The following XPNPEP3 variants were observed in gnomAD, a reference collection of about 807,000 sequenced individuals.
The protein encoded by XPNPEP3 is xaa-Pro aminopeptidase 3.
XPNPEP3 carries 41 observed loss-of-function variants against 60.0 expected under a neutral mutation model. The observed-to-expected ratio is 0.68, with a 90% CI of 0.53 to 0.89. The LOEUF (loss-of-function observed/expected upper bound fraction) is 0.89, where lower values mean the gene tolerates loss of function less well. Among genes scored for constraint, XPNPEP3 ranks in the 40% least tolerant of loss-of-function variants. The probability of loss-of-function intolerance (pLI) is 0.00; values close to 1 mark genes in which losing one functional copy is unlikely to be tolerated. For missense variants in XPNPEP3, 598 were observed against 638.9 expected (o/e 0.94, Z 0.69); for synonymous variants, 212 against 223.2 (o/e 0.95, Z 0.45).
intron 1 of XPNPEP3, chr22:40,861,949 G>A: frequency 6.2e-7 from 1 of 1,611,032 alleles, no homozygotes; most frequent in South Asian, 1.1e-5. Flanking sequence ...ATGTCCTCAG[G>A]TGAAGCATAT....
chr22:40,874,071 AT>A (rs954551627), intron 2 of XPNPEP3, among the ~76,000 whole-genome samples: 5 of 152,132 alleles, frequency 3.3e-5, no homozygotes, highest in African/African-American at 1.2e-4. Flanking sequence ...GACAAAGCTT[AT>A]TTTGGTGGTG....
intron 4 of XPNPEP3, among the ~76,000 whole-genome samples, chr22:40,900,349 A>G (rs2058127014): frequency 6.6e-6 from 1 of 151,752 alleles, no homozygotes; most frequent in Non-Finnish European, 1.5e-5. Context: ...CCACGCCTAT[A>G]ATCCCAGTAC....
At chr22:40,889,541 A>T (rs531876386) in intron 4 of XPNPEP3, among the ~76,000 whole-genome samples, 23 of 152,242 alleles carry the variant, frequency 1.5e-4, no homozygotes, top group South Asian at 6.2e-4. Context: ...CAAAATACAT[A>T]GACAAGCAGG....
At chr22:40,869,650 T>G (rs1325102613) in intron 2 of XPNPEP3, among the ~76,000 whole-genome samples, 3 of 152,194 alleles carry the variant, frequency 2.0e-5, no homozygotes, top group Non-Finnish European at 4.4e-5. Context: ...ATAAAGGTGA[T>G]GCAAAAAAAT....
intron 2 of XPNPEP3, 117 bp downstream of exon 2, chr22:40,869,232 C>G: frequency 1.2e-6 from 1 of 826,230 alleles, no homozygotes; most frequent in Non-Finnish European, 2.1e-6. Context: ...TAGCCACTAA[C>G]CTCACATGGC....
At chr22:40,881,116 G>C (rs2058046265) in intron 2 of XPNPEP3, among the ~76,000 whole-genome samples, 1 of 151,980 alleles carries the variant, frequency 6.6e-6, no homozygotes, top group Admixed American at 6.6e-5. Context: ...CGGGATCTTG[G>C]CTCACTGCAA....
intron 1 of XPNPEP3, among the ~76,000 whole-genome samples, chr22:40,864,236 G>T (rs1053238860): frequency 6.6e-6 from 1 of 152,126 alleles, no homozygotes; most frequent in Non-Finnish European, 1.5e-5. Flanking sequence ...CGTTGCCATG[G>T]CATCTGTAAA....
chr22:40,862,258 G>T (rs1014684047), intron 1 of XPNPEP3: 3 of 1,178,262 alleles, frequency 2.5e-6, no homozygotes, highest in African/African-American at 1.6e-5. Flanking sequence ...AGCTAGTCCA[G>T]AGTCGTACCA....
At position 40,927,896 on chromosome 22, in the gene XPNPEP3, A is replaced by G. The variant is rs1232395924; in HGVS notation, c.*1461A>G. 6.6e-6 allele frequency: 1 copy of G among 152,428 alleles called. No individual in the cohort carries two copies. The highest frequency in any genetic ancestry group is 1.5e-5 in the Non-Finnish European group (1 of 68,404). 9.4% of individuals were successfully genotyped at this position (152,428 alleles called of 1,614,324 possible). A position where few individuals can be genotyped will look rare whatever the true frequency, so the allele number is the denominator to read the frequency against. ...TCTCAAAAAAAAAAAAAAAAAAGAA[A>G]AAAAAAAGAAAGATTTCTTTCGCAG... On this transcript the variant is annotated 3_prime_UTR_variant, in exon 10 of 10. Coordinates refer to ENST00000357137, the MANE Select transcript of XPNPEP3 (RefSeq NM_022098.4).
chr22:40,883,003 G>A (rs749854499), intron 3 of XPNPEP3, among the ~76,000 whole-genome samples: 2 of 151,976 alleles, frequency 1.3e-5, no homozygotes, highest in Non-Finnish European at 2.9e-5. Flanking sequence ...TAGAAGGATC[G>A]CTTGAGGCCA....
intron 9 of XPNPEP3, among the ~76,000 whole-genome samples, chr22:40,925,762 A>T (rs1477786799): frequency 2.0e-5 from 3 of 152,222 alleles, no homozygotes; most frequent in African/African-American, 7.2e-5. Context: ...TAAATCTTAT[A>T]ATGACTGTCT....
chr22:40,890,040 A>G (rs2058083044), intron 4 of XPNPEP3, among the ~76,000 whole-genome samples: 1 of 152,170 alleles, frequency 6.6e-6, no homozygotes, highest in African/African-American at 2.4e-5. Context: ...AATCAAGTCT[A>G]AATATTCATC....
intron 1 of XPNPEP3, among the ~76,000 whole-genome samples, chr22:40,863,385 A>AT (rs1419762637): frequency 2.6e-5 from 4 of 152,072 alleles, no homozygotes; most frequent in African/African-American, 9.7e-5. Flanking sequence ...ATTCCCTGTA[A>AT]TCTTTGTTTT....
At chr22:40,891,310 C>T (rs1251325130) in intron 4 of XPNPEP3, among the ~76,000 whole-genome samples, 1 of 148,070 alleles carries the variant, frequency 6.8e-6, no homozygotes, top group African/African-American at 2.5e-5. Flanking sequence ...CAGTAAGCCA[C>T]GATCATGCCA....
chr22:40,879,105 G>A (rs1245710454), intron 2 of XPNPEP3, among the ~76,000 whole-genome samples: 2 of 152,080 alleles, frequency 1.3e-5, no homozygotes, highest in Admixed American at 6.5e-5. Context: ...AATTATCAAG[G>A]AAATAAATAG....
rs1450073903 is a variant in XPNPEP3 at position 40,907,593 on chromosome 22, A to G, written c.799A>G (p.Ile267Val). ...TCCTCCTTTCTCTTTGCAGGCTTTC[A>G]TAGAAACCATGTTCACCAGTAAAGC... Reference protein sequence around the residue: ...IAGKLTSQAFIETMFTSKAPV... With the variant: ...IAGKLTSQAFVETMFTSKAPV... Residue 267 changes from isoleucine to valine, a missense_variant, in exon 5 of 10, where the codon ATA becomes GTA. By Grantham distance (29) the Ile-to-Val change is conservative. Coordinates refer to ENST00000357137, the MANE Select transcript of XPNPEP3 (RefSeq NM_022098.4). 3 of 1,613,888 alleles carry G rather than the reference A, an allele frequency of 1.9e-6. No homozygotes were observed. The highest frequency in any genetic ancestry group is 2.5e-6 in the Non-Finnish European group (3 of 1,179,896).
At chr22:40,902,448 C>T (rs1009778520) in intron 4 of XPNPEP3, among the ~76,000 whole-genome samples, 1 of 152,098 alleles carries the variant, frequency 6.6e-6, no homozygotes, top group Non-Finnish European at 1.5e-5. Flanking sequence ...GATGGGGTTT[C>T]ACCATGTTAG....
chr22:40,902,159 G>A (rs540142130), intron 4 of XPNPEP3, among the ~76,000 whole-genome samples: 4 of 128,802 alleles, frequency 3.1e-5, no homozygotes, highest in African/African-American at 6.0e-5. Flanking sequence ...TGCAACCTCC[G>A]CCTCCCAGGT....
intron 4 of XPNPEP3, among the ~76,000 whole-genome samples, chr22:40,894,408 A>G (rs941000229): frequency 6.6e-6 from 1 of 152,178 alleles, no homozygotes; most frequent in East Asian, 1.9e-4. Flanking sequence ...TATAAAGTGT[A>G]CAACATATTT....
Sources: allele counts gnomAD v4.1 joint callset (sites outside exome capture counted in the v4.1 genomes callset), GRCh38; gene constraint gnomAD v4.1.1; transcripts MANE v1.5; gene names NCBI Gene and HGNC (gene_info 2026-07-23, HGNC 2026-07-21).